Variants in ZFAND3 observed in about 807,000 individuals in gnomAD.
The protein encoded by ZFAND3 is zinc finger AN1-type containing 3, also known as AN1-type zinc finger protein 3.
A neutral mutation model predicts 29.6 loss-of-function variants in ZFAND3; 10 were observed. That is an observed-to-expected ratio of 0.34 (90% CI 0.21 to 0.57). The LOEUF is 0.57. Among genes scored for constraint, ZFAND3 ranks in the 20% least tolerant of loss-of-function variants. ZFAND3 has a pLI of 0.86. For missense variants in ZFAND3, 230 were observed against 304.5 expected (o/e 0.76, Z 1.82); for synonymous variants, 128 against 112.6 (o/e 1.14, Z -0.87).
At chr6:37,927,043 A>T (rs1239286012) in intron 1 of ZFAND3, among the ~76,000 whole-genome samples, 1 of 152,234 alleles carries the variant, frequency 6.6e-6, no homozygotes, top group African/African-American at 2.4e-5. Context: ...TTTGAGTAAT[A>T]ATATCAGTAG....
intron 1 of ZFAND3, among the ~76,000 whole-genome samples, chr6:37,841,171 T>C (rs1435746793): frequency 6.6e-6 from 1 of 152,198 alleles, no homozygotes; most frequent in Non-Finnish European, 1.5e-5. Context: ...TGAAAGAGGG[T>C]ATTTTAAGAA....
intron 4 of ZFAND3, 60 bp from the exon 5 acceptor site, chr6:38,116,512 T>C: frequency 6.5e-7 from 1 of 1,538,794 alleles, no homozygotes; most frequent in Non-Finnish European, 8.8e-7. Flanking sequence ...AATACATTAA[T>C]CAACTGTGCT....
chr6:38,078,880 T>TA (rs1268458444), intron 3 of ZFAND3, among the ~76,000 whole-genome samples: 6 of 152,174 alleles, frequency 3.9e-5, no homozygotes, highest in Non-Finnish European at 5.9e-5. Context: ...CATGGGGACT[T>TA]ACGCCAGCCA....
intron 4 of ZFAND3, 117 bp from the exon 5 acceptor site, chr6:38,116,451 CCTGT>C (rs1170727884): frequency 1.7e-6 from 2 of 1,192,416 alleles, no homozygotes; most frequent in Non-Finnish European, 2.4e-6. Flanking sequence ...CTGGCTCTCA[CCTGT>C]CTGATTCCTG....
At chr6:37,916,162 A>G (rs954809556) in intron 1 of ZFAND3, among the ~76,000 whole-genome samples, 1 of 152,130 alleles carries the variant, frequency 6.6e-6, no homozygotes, top group Non-Finnish European at 1.5e-5. Flanking sequence ...AATAGACATT[A>G]AAGACACTGA....
At chr6:38,033,474 AT>A (rs998917213) in intron 2 of ZFAND3, among the ~76,000 whole-genome samples, 2 of 152,102 alleles carry the variant, frequency 1.3e-5, no homozygotes, top group African/African-American at 4.8e-5. Context: ...TCGTCACCTC[AT>A]TTTAAGACAG....
intron 1 of ZFAND3, among the ~76,000 whole-genome samples, chr6:37,872,831 A>G (rs1764718104): frequency 6.6e-6 from 1 of 152,238 alleles, no homozygotes; most frequent in Non-Finnish European, 1.5e-5. Context: ...AGTACTGCTT[A>G]AACATTCTTT....
At chr6:37,955,972 A>T (rs529801606) in intron 2 of ZFAND3, among the ~76,000 whole-genome samples, 1 of 152,076 alleles carries the variant, frequency 6.6e-6, no homozygotes, top group South Asian at 2.1e-4. Context: ...GGGTGTGGGG[A>T]GGGTGGTTTA....
chr6:38,060,271 T>C (rs1764209100), intron 2 of ZFAND3, among the ~76,000 whole-genome samples: 1 of 152,184 alleles, frequency 6.6e-6, no homozygotes, highest in African/African-American at 2.4e-5. Flanking sequence ...TTTTACTATT[T>C]TATAATGATC....
At chr6:37,904,447 T>C (rs1459705695) in intron 1 of ZFAND3, among the ~76,000 whole-genome samples, 3 of 152,158 alleles carry the variant, frequency 2.0e-5, no homozygotes, top group African/African-American at 7.2e-5. Flanking sequence ...TACCAATTCA[T>C]TGGAACTTCC....
intron 1 of ZFAND3, among the ~76,000 whole-genome samples, chr6:37,866,899 A>G (rs947756094): frequency 2.6e-5 from 4 of 152,202 alleles, no homozygotes; most frequent in African/African-American, 9.6e-5. Flanking sequence ...CTGTGTTGTC[A>G]TGAAACATAC....
intron 5 of ZFAND3, among the ~76,000 whole-genome samples, chr6:38,149,888 AGAAAG>A (rs972778904): frequency 6.6e-6 from 1 of 152,204 alleles, no homozygotes; most frequent in Non-Finnish European, 1.5e-5. Flanking sequence ...AATATCTTGA[AGAAAG>A]GGAAGGGGCA....
chr6:37,968,388 G>A (rs770130648), intron 2 of ZFAND3, among the ~76,000 whole-genome samples: 6 of 151,158 alleles, frequency 4.0e-5, no homozygotes, highest in Admixed American at 6.6e-5. Flanking sequence ...GTGGGTTAGC[G>A]AATACTAGAT....
intron 1 of ZFAND3, among the ~76,000 whole-genome samples, chr6:37,922,512 A>G (rs971653004): frequency 2.6e-5 from 4 of 152,240 alleles, no homozygotes; most frequent in African/African-American, 9.6e-5. Context: ...CACAAAAGAA[A>G]ATAGTCATGC....
Position 38,153,425 on chromosome 6 carries a change from A to G in ZFAND3, c.*1036A>G, listed in dbSNP as rs916501783. Reference sequence around the variant, plus strand: ...TGTCGTGGCCTCCATTCTCGTTTCTATGCAGCCCCATAGTCCAAGGACACC... The same window carrying G: ...TGTCGTGGCCTCCATTCTCGTTTCTGTGCAGCCCCATAGTCCAAGGACACC... On this transcript the variant is annotated 3_prime_UTR_variant, in exon 6 of 6. Coordinates refer to ENST00000287218, the MANE Select transcript of ZFAND3 (RefSeq NM_021943.3). 1.3e-5 allele frequency: 13 copies of G among 985,360 alleles called. No homozygotes were observed. The highest frequency in any genetic ancestry group is 1.0e-4 in the African/African-American group (6 of 57,242). 61.0% of individuals were successfully genotyped at this position (985,360 alleles called of 1,614,324 possible).
At chr6:37,991,760 GTC>G (rs1762762806) in intron 2 of ZFAND3, among the ~76,000 whole-genome samples, 1 of 152,128 alleles carries the variant, frequency 6.6e-6, no homozygotes, top group South Asian at 2.1e-4. Flanking sequence ...CCCACTGTGT[GTC>G]TGTCAGTTTT....
chr6:37,976,447 G>T (rs1762479090), intron 2 of ZFAND3, among the ~76,000 whole-genome samples: 1 of 151,940 alleles, frequency 6.6e-6, no homozygotes, highest in Non-Finnish European at 1.5e-5. Context: ...ATCTGGGAAT[G>T]GTGGCACACA....
intron 3 of ZFAND3, among the ~76,000 whole-genome samples, chr6:38,070,786 A>T (rs1764439393): frequency 6.6e-6 from 1 of 152,162 alleles, no homozygotes; most frequent in Admixed American, 6.5e-5. Context: ...ATGACTTTAT[A>T]TTCCTAAGAA....
Position 37,820,020 on chromosome 6 carries a change from A to G in ZFAND3, c.71+4A>G, listed in dbSNP as rs1374421113. On this transcript the variant is annotated splice_donor_region_variant and intron_variant, in intron 1 of 5. Transcript: ENST00000287218. Reference sequence around the variant, plus strand: ...GCTGTCCCTGCGGCTTCTGGGGGTAAGTGCCCGGCCGGGTGGGGGCGGGGG... The same window carrying G: ...GCTGTCCCTGCGGCTTCTGGGGGTAGGTGCCCGGCCGGGTGGGGGCGGGGG... 5 of 1,020,748 alleles carry G rather than the reference A, an allele frequency of 4.9e-6. No homozygotes were observed. Among genetic ancestry groups the G allele is most frequent in the Non-Finnish European group, 6.2e-6 (5 of 809,126 alleles). The allele number at this position is 1,020,748 out of a possible 1,614,324, so 63.2% of individuals were successfully genotyped here.
Sources: allele counts gnomAD v4.1 joint callset (sites outside exome capture counted in the v4.1 genomes callset), GRCh38; gene constraint gnomAD v4.1.1; transcripts MANE v1.5; gene names NCBI Gene and HGNC (gene_info 2026-07-23, HGNC 2026-07-21).